The following RGS8 variants were observed in gnomAD, a reference collection of about 807,000 sequenced individuals.
The protein encoded by RGS8 is regulator of G-protein signaling 8.
RGS8 carries 8 observed loss-of-function variants against 21.7 expected under a neutral mutation model. The observed-to-expected ratio is 0.37, with a 90% CI of 0.22 to 0.66. The LOEUF is 0.66. Ranked by LOEUF, RGS8 falls within the 30% of genes least tolerant of loss-of-function variation. The pLI is 0.59. For missense variants in RGS8, 157 were observed against 217.9 expected (o/e 0.72, Z 1.76); for synonymous variants, 80 against 83.6 (o/e 0.96, Z 0.24).
At chr1:182,683,811 C>T (rs943480840) in intron 1 of RGS8, among the ~76,000 whole-genome samples, 2 of 152,116 alleles carry the variant, frequency 1.3e-5, no homozygotes, top group Admixed American at 6.5e-5. Flanking sequence ...TCTTCTGCAT[C>T]GGAATGTGTG....
At chr1:182,669,137 G>A (rs943159483) in intron 3 of RGS8, among the ~76,000 whole-genome samples, 6 of 152,154 alleles carry the variant, frequency 3.9e-5, no homozygotes, top group African/African-American at 1.2e-4. Flanking sequence ...ATATTCTTTG[G>A]GACAAAATGG....
At chr1:182,678,490 A>G (rs1451332770) in intron 1 of RGS8, among the ~76,000 whole-genome samples, 1 of 152,232 alleles carries the variant, frequency 6.6e-6, no homozygotes, top group South Asian at 2.1e-4. Flanking sequence ...TAGAGTGGGT[A>G]TAACTCCTAG....
chr1:182,746,254 C>G, the RGS8 span, among the ~76,000 whole-genome samples: 1 of 152,198 alleles, frequency 6.6e-6, no homozygotes, highest in Non-Finnish European at 1.5e-5. Context: ...AGGCATTTAA[C>G]TAAGAACTTT....
chr1:182,725,673 T>C, the RGS8 span, among the ~76,000 whole-genome samples: 3 of 152,164 alleles, frequency 2.0e-5, no homozygotes, highest in Non-Finnish European at 2.9e-5. Context: ...CAAGCCACCA[T>C]TTCATGTCTT....
chr1:182,744,325 A>G, the RGS8 span, among the ~76,000 whole-genome samples: 4 of 151,924 alleles, frequency 2.6e-5, no homozygotes, highest in African/African-American at 7.3e-5. Context: ...GGGTCCCACT[A>G]TGTTGCCCAG....
At chr1:182,690,726 C>G in the RGS8 span, among the ~76,000 whole-genome samples, 5 of 152,182 alleles carry the variant, frequency 3.3e-5, no homozygotes, top group African/African-American at 1.2e-4. Flanking sequence ...ATATTATCAA[C>G]AGCTGTGGCA....
rs538872788 is a variant in RGS8, at chr1:182,661,563, GGAAA to G, written c.193+4402_193+4405del. Among the ~76,000 whole-genome samples, 203 of 151,916 alleles carry G rather than the reference GGAAA, an allele frequency of 1.3e-3. 2 individuals carry two copies. Among genetic ancestry groups the G allele is most frequent in the African/African-American group, 4.8e-3 (200 of 41,396 alleles). ...AGGAAGGGAGGGAGGAAGGGAGGAA[GGAAA>G]GAAAGAGAGAGAATGAAGGAGATGA... On this transcript the variant is annotated intron_variant, in intron 5 of 6. Coordinates refer to ENST00000483095, the Ensembl canonical transcript of RGS8.
chr1:182,716,165 G>A, the RGS8 span, among the ~76,000 whole-genome samples: 52,939 of 149,082 alleles, frequency 0.36, 9,763 homozygotes, highest in African/African-American at 0.47. Flanking sequence ...TCACTTTGTC[G>A]CCCCGGCTGG....
the RGS8 span, among the ~76,000 whole-genome samples, chr1:182,733,088 G>A: frequency 6.6e-6 from 1 of 152,174 alleles, no homozygotes; most frequent in East Asian, 1.9e-4. Flanking sequence ...CTCTGAAAAA[G>A]GATTTAAATG....
At chr1:182,675,726 T>C (rs1348397100), upstream of RGS8, among the ~76,000 whole-genome samples, 1 of 152,134 alleles carries the variant, frequency 6.6e-6, no homozygotes, top group East Asian at 1.9e-4. Context: ...CAAACCTTTT[T>C]CAGAATTCTC....
At chr1:182,730,046 T>C in the RGS8 span, among the ~76,000 whole-genome samples, 1 of 152,176 alleles carries the variant, frequency 6.6e-6, no homozygotes, top group Non-Finnish European at 1.5e-5. Flanking sequence ...TTAGAAAAGA[T>C]GATGGGGATA....
At chr1:182,715,246 C>G in the RGS8 span, among the ~76,000 whole-genome samples, 1 of 152,148 alleles carries the variant, frequency 6.6e-6, no homozygotes, top group Non-Finnish European at 1.5e-5. Flanking sequence ...AACTTTATAC[C>G]CTGTCTTTCC....
At chr1:182,669,064 G>C (rs991721623) in intron 3 of RGS8, among the ~76,000 whole-genome samples, 1 of 152,184 alleles carries the variant, frequency 6.6e-6, no homozygotes, top group Non-Finnish European at 1.5e-5. Context: ...CAGTGTAAAG[G>C]ATGCTACTTG....
chr1:182,686,517 T>C (rs1664712392), upstream of RGS8, among the ~76,000 whole-genome samples: 1 of 151,984 alleles, frequency 6.6e-6, no homozygotes, highest in Non-Finnish European at 1.5e-5. Context: ...CTGTGAAGGA[T>C]AGGGTGAGCT....
chr1:182,652,279 TTC>T (rs888773174), intron 5 of RGS8, among the ~76,000 whole-genome samples: 2 of 152,210 alleles, frequency 1.3e-5, no homozygotes, highest in African/African-American at 4.8e-5. Flanking sequence ...AATATTATCT[TTC>T]TGCCTTCCTT....
At chr1:182,747,043 C>CTTTGTTTTTTT in the RGS8 span, among the ~76,000 whole-genome samples, 1 of 21,026 alleles carries the variant, frequency 4.8e-5, no homozygotes, top group Non-Finnish European at 9.4e-5. Context: ...CACTGCTGGT[C>CTTTGTTTTTTT]TTTTTTTTTT....
chr1:182,729,559 A>G, the RGS8 span, among the ~76,000 whole-genome samples: 5 of 152,252 alleles, frequency 3.3e-5, no homozygotes, highest in Admixed American at 6.5e-5. Flanking sequence ...ACTTTAAAAA[A>G]CAAAGCATTA....
the RGS8 span, among the ~76,000 whole-genome samples, chr1:182,747,663 C>A: frequency 6.6e-6 from 1 of 152,150 alleles, no homozygotes; most frequent in Non-Finnish European, 1.5e-5. Context: ...AGGCATCAAG[C>A]GGTTCCCTTC....
chr1:182,648,142 G>A (rs1467569098), exon 6 of RGS8: 9 of 1,606,470 alleles, frequency 5.6e-6, no homozygotes, highest in Admixed American at 1.7e-5. Context: ...CACACCTCCC[G>A]TGGAGCCTGC....
Sources: gnomAD v4.1 joint callset for allele counts (sites outside exome capture counted in the v4.1 genomes callset) on GRCh38, gnomAD v4.1.1 for gene constraint, MANE v1.5 for transcripts, NCBI Gene and HGNC (gene_info 2026-07-23, HGNC 2026-07-21) for gene names.